The following MYO15B variants were observed in gnomAD, a reference collection of about 807,000 sequenced individuals.
MYO15B encodes the protein myosin XVB, also known as myosin XVB pseudogene.
MYO15B carries 207 observed loss-of-function variants against 119.3 expected under a neutral mutation model. That is an observed-to-expected ratio of 1.73 (90% CI 1.55 to 1.95). The LOEUF (loss-of-function observed/expected upper bound fraction) is 1.95. Among genes scored for constraint, MYO15B ranks in the 30% most tolerant of loss-of-function variants. MYO15B has a pLI of 0.00. For missense variants in MYO15B, 2,264 were observed against 1,203.1 expected, an observed-to-expected ratio of 1.88 and a Z score of -13.04; for synonymous variants, 966 against 498.9, an observed-to-expected ratio of 1.94 and a Z score of -12.48.
chr17:75,594,891 G>A, exon 12 of MYO15B: 1 of 703,086 alleles, frequency 1.4e-6, no homozygotes, highest in East Asian at 2.7e-5. Flanking sequence ...GGCTTCTGAG[G>A]AGAACCAATG....
chr17:75,590,506 TTA>T, intron 1 of MYO15B, 118 bp from the exon 2 acceptor site: 1 of 374,230 alleles, frequency 2.7e-6, no homozygotes, highest in Non-Finnish European at 4.7e-6. Flanking sequence ...AGCCCCCATT[TTA>T]TGGATCAGGC....
intron 30 of MYO15B, 47 bp from the exon 31 acceptor site, chr17:75,614,536 G>A (rs1310738548): frequency 1.4e-6 from 1 of 696,596 alleles, no homozygotes; most frequent in South Asian, 1.5e-5. Flanking sequence ...CAGCCTGGGT[G>A]ACCCTCAGCC....
rs771370110 is a variant in MYO15B at position 75,588,257 on chromosome 17, G to A, written c.200G>A (p.Arg67Lys). ...GGCCAGGGAACCCCTGGTGGCCGCA[G>A]GAAGCCCACTGCAGAGGGGAACGGC... Residue 67 changes from arginine to lysine, a missense_variant, in exon 1 of 64, where the codon AGG becomes AAG. By Grantham distance (26) the Arg-to-Lys change is conservative. Coordinates refer to ENST00000645453, the Ensembl canonical transcript of MYO15B. 326 of 398,136 alleles carry A rather than the reference G, an allele frequency of 8.2e-4. 1 individual carries two copies. Among genetic ancestry groups the A allele is most frequent in the Non-Finnish European group, 1.2e-3 (261 of 225,770 alleles). 24.7% of individuals were successfully genotyped at this position (398,136 alleles called of 1,614,324 possible). A position where few individuals can be genotyped will look rare whatever the true frequency, so the allele number is the denominator to read the frequency against.
chr17:75,625,207 C>T (rs1258031985), exon 60 of MYO15B: 8 of 702,524 alleles, frequency 1.1e-5, no homozygotes, highest in Admixed American at 4.0e-5. Flanking sequence ...CCTGCAGCAC[C>T]TCAGCAAGGC....
intron 21 of MYO15B, among the ~76,000 whole-genome samples, chr17:75,608,456 A>AAAT (rs1268401704): frequency 6.6e-6 from 1 of 151,982 alleles, no homozygotes; most frequent in East Asian, 1.9e-4. Context: ...TTTATTAAAA[A>AAAT]AATTTTTTTG....
exon 42 of MYO15B, chr17:75,617,862 C>T (rs1382089457): frequency 1.4e-6 from 1 of 702,810 alleles, no homozygotes; most frequent in East Asian, 2.7e-5. Flanking sequence ...TACTCGCGCC[C>T]TCTGGCAGCG....
exon 56 of MYO15B, chr17:75,624,218 A>T (rs2058880917): frequency 1.4e-6 from 1 of 702,860 alleles, no homozygotes; most frequent in South Asian, 1.5e-5. Context: ...GCACAGTCAA[A>T]TATGGGGGGC....
At position 75,621,047 on chromosome 17, in the gene MYO15B, G is replaced by A. The variant is rs763271515; in HGVS notation, c.7742G>A (p.Trp2581Ter). The change falls in exon 50 of 64, where the codon TGG becomes TAG. Residue 2581 changes from tryptophan (W) to a stop codon, truncating the protein, a stop_gained. Transcript: ENST00000645453. LOFTEE classifies it high-confidence loss of function. ...TGATCCCAGCGCCCTGCCCACCCTT[G>A]GAGCCAGGCACACAGTGACGACTCG... The A allele has an allele frequency of 2.8e-6, 2 of 702,866 alleles. No homozygotes were observed. Among genetic ancestry groups the A allele is most frequent in the South Asian group, 1.5e-5 (1 of 67,606 alleles). 43.5% of individuals were successfully genotyped at this position (702,866 alleles called of 1,614,324 possible). A position where few individuals can be genotyped will look rare whatever the true frequency, so the allele number is the denominator to read the frequency against.
intron 9 of MYO15B, among the ~76,000 whole-genome samples, chr17:75,593,723 C>G (rs1263901813): frequency 6.6e-6 from 1 of 151,460 alleles, no homozygotes; most frequent in Non-Finnish European, 1.5e-5. Flanking sequence ...AGTTCGAGAC[C>G]AGCCTGACCA....
chr17:75,597,930 T>TA (rs1054894553), intron 14 of MYO15B, among the ~76,000 whole-genome samples: 111 of 150,490 alleles, frequency 7.4e-4, no homozygotes, highest in Middle Eastern at 3.6e-3. Context: ...TAATTAATTA[T>TA]AAAAAAACAA....
intron 7 of MYO15B, 52 bp downstream of exon 7, chr17:75,592,353 CA>C: frequency 1.4e-6 from 1 of 700,778 alleles, no homozygotes; most frequent in Admixed American, 2.0e-5. Context: ...GTAGGAAGGG[CA>C]GAGGGTGTCA....
At chr17:75,600,052 C>G (rs1598755894) in intron 14 of MYO15B, among the ~76,000 whole-genome samples, 2 of 143,216 alleles carry the variant, frequency 1.4e-5, no homozygotes, top group African/African-American at 2.6e-5. Context: ...GAGACAGAGC[C>G]TTGCTCTGTC....
At chr17:75,609,759 G>A (rs1399882856) in intron 21 of MYO15B, among the ~76,000 whole-genome samples, 1 of 140,758 alleles carries the variant, frequency 7.1e-6, no homozygotes, top group Admixed American at 7.1e-5. Context: ...AGGCTGGAGT[G>A]CAATGGCGCG....
intron 19 of MYO15B, among the ~76,000 whole-genome samples, chr17:75,605,166 A>G (rs2007844): frequency 0.51 from 76,212 of 150,432 alleles, 19,545 homozygotes; most frequent in East Asian, 0.65. Context: ...GGCCGGGCGC[A>G]GTGGCTCACG....
chr17:75,616,317 C>G, exon 38 of MYO15B: 1 of 605,238 alleles, frequency 1.7e-6, no homozygotes, highest in Non-Finnish European at 2.9e-6. Flanking sequence ...TGCAGGGCAG[C>G]CACAGATCAC....
At chr17:75,624,392 T>C (rs2058897284) in exon 57 of MYO15B, 2 of 702,344 alleles carry the variant, frequency 2.8e-6, no homozygotes, top group Non-Finnish European at 5.2e-6. Flanking sequence ...ATTCGCCTGC[T>C]TCTTATTCAC....
exon 25 of MYO15B, chr17:75,611,892 G>A (rs1250464366): frequency 1.4e-5 from 10 of 702,926 alleles, no homozygotes; most frequent in South Asian, 1.0e-4. Context: ...CCAGGCCATC[G>A]GGACGCCCTG....
chr17:75,611,481 A>G (rs1051306522), intron 23 of MYO15B, 120 bp from the exon 24 acceptor site: 1 of 625,638 alleles, frequency 1.6e-6, no homozygotes, highest in Non-Finnish European at 2.9e-6. Flanking sequence ...AAAAAAAAAA[A>G]AAAAAAAATC....
exon 21 of MYO15B, chr17:75,605,988 G>A (rs1294252355): frequency 2.6e-5 from 18 of 701,666 alleles, no homozygotes; most frequent in Non-Finnish European, 3.4e-5. Flanking sequence ...GTCCTGCCCC[G>A]GATGCAGGCT....
Sources: allele counts gnomAD v4.1 joint callset (sites outside exome capture counted in the v4.1 genomes callset), GRCh38; gene constraint gnomAD v4.1.1; transcripts MANE v1.5; gene names NCBI Gene and HGNC (gene_info 2026-07-23, HGNC 2026-07-21).